KMT2E: variants seen among roughly 807,000 people sequenced by gnomAD.
The protein encoded by KMT2E is histone reader KMT2E.
KMT2E carries 30 observed loss-of-function variants against 184.6 expected under a neutral mutation model. The ratio of observed to expected loss-of-function variants is 0.16; its 90% CI spans 0.12 to 0.22. KMT2E has a LOEUF of 0.22. KMT2E is among the 10% of genes least tolerant of loss of function. The pLI is 1.00. For missense variants in KMT2E, 2,023 were observed against 2,237.4 expected, an observed-to-expected ratio of 0.90 and a Z score of 1.93; for synonymous variants, 815 against 776.5, an observed-to-expected ratio of 1.05 and a Z score of -0.82.
chr7:105,014,484 T>G lies in KMT2E; in HGVS notation c.-240T>G, dbSNP rs1330465261. 6.6e-6 allele frequency: 1 copy of G among 152,382 alleles called. No individual in the cohort carries two copies. Among genetic ancestry groups the G allele is most frequent in the Admixed American group, 6.6e-5 (1 of 15,222 alleles). The allele number at this position is 152,382 out of a possible 1,614,324, so 9.4% of individuals were successfully genotyped here. On this transcript the variant is annotated 5_prime_UTR_variant, in exon 1 of 27. Coordinates refer to ENST00000311117, the MANE Select transcript of KMT2E (RefSeq NM_182931.3). ...TTCGCGGAGGTGCGGAGAGACTCCT[T>G]GGGGGTCGAGCACATAACGGGGTTC... is the stretch of plus-strand genomic sequence containing the variant.
chr7:105,036,140 C>G (rs1461632860), intron 1 of KMT2E, among the ~76,000 whole-genome samples: 2 of 149,724 alleles, frequency 1.3e-5, no homozygotes, highest in Non-Finnish European at 3.0e-5. Context: ...TATCATCTGG[C>G]AGGGTTTTTT....
intron 1 of KMT2E, among the ~76,000 whole-genome samples, chr7:105,029,383 T>C (rs1285635435): frequency 6.6e-6 from 1 of 152,234 alleles, no homozygotes; most frequent in African/African-American, 2.4e-5. Context: ...TCAATAAATA[T>C]GTTAAATGAA....
At chr7:105,033,655 C>G (rs1385693306) in intron 1 of KMT2E, among the ~76,000 whole-genome samples, 1 of 152,060 alleles carries the variant, frequency 6.6e-6, no homozygotes, top group Non-Finnish European at 1.5e-5. Flanking sequence ...CCCGCCACCA[C>G]GCCTGGCTAA....
chr7:105,041,127 C>G (rs1211165522), intron 3 of KMT2E, 104 bp downstream of exon 3: 1 of 629,120 alleles, frequency 1.6e-6, no homozygotes, highest in African/African-American at 1.9e-5. Flanking sequence ...TTCTTCTTTC[C>G]TAGCCATTTT....
chr7:105,023,285 C>T (rs1000777342), intron 1 of KMT2E, among the ~76,000 whole-genome samples: 2 of 150,954 alleles, frequency 1.3e-5, no homozygotes, highest in African/African-American at 2.4e-5. Context: ...CCCTGTAATC[C>T]CAGCTACTTG....
At position 105,101,290 on chromosome 7, in the gene KMT2E, A is replaced by G. The variant is rs935092692; in HGVS notation, c.1723-135A>G. ...ATGAACAGAAATGTTTTTTCTCCCC[A>G]TATCCACCAATAATAGAAGTAGTTT... On this transcript the variant is annotated intron_variant, in intron 15 of 26. Transcript: ENST00000311117. 19 of 545,692 alleles carry G rather than the reference A, an allele frequency of 3.5e-5. No homozygotes were observed. In the African/African-American group the frequency reaches 3.5e-4, roughly 10 times the overall value. 33.8% of individuals were successfully genotyped at this position (545,692 alleles called of 1,614,324 possible).
At position 105,094,017 on chromosome 7, in the gene KMT2E, A is replaced by G. The variant is rs56851478; in HGVS notation, c.1722+2703A>G. ...CTGACCCATAGCTCTCCAAGTTATC[A>G]CAATTGTTACTTCTAATTAGTTCAT... On this transcript the variant is annotated intron_variant, in intron 15 of 26. Transcript: ENST00000311117. Among the ~76,000 whole-genome samples the G allele has an allele frequency of 3.7e-3, 558 of 152,282 alleles. 15 individuals are homozygous for G. In the East Asian group the frequency reaches 0.062, roughly 17 times the overall value.
rs953252278 is a variant in KMT2E, at chr7:105,014,251, A to C, written c.-473A>C. On this transcript the variant is annotated 5_prime_UTR_variant, in exon 1 of 27. Transcript: ENST00000311117. ...GAGCGGGCGCAGGGGGCCGAGTCGGAGACCGTGCCGGAGTTCGGGAGCGGC... is the reference window on the plus strand; with the variant it reads ...GAGCGGGCGCAGGGGGCCGAGTCGGCGACCGTGCCGGAGTTCGGGAGCGGC... 1 of 179,368 alleles carries C rather than the reference A, an allele frequency of 5.6e-6. No homozygotes were observed. Among genetic ancestry groups the C allele is most frequent in the Admixed American group, 6.4e-5 (1 of 15,566 alleles). The allele number at this position is 179,368 out of a possible 1,614,324, so 11.1% of individuals were successfully genotyped here.
At chr7:105,095,425 A>G (rs1378586157) in intron 15 of KMT2E, among the ~76,000 whole-genome samples, 1 of 152,122 alleles carries the variant, frequency 6.6e-6, no homozygotes. Context: ...TTGGGATTAT[A>G]GGCTGTTTTT....
chr7:105,040,498 A>G (rs569593589), intron 2 of KMT2E, among the ~76,000 whole-genome samples: 1 of 152,304 alleles, frequency 6.6e-6, no homozygotes, highest in East Asian at 1.9e-4. Flanking sequence ...TTGGTAGTAT[A>G]TTGTTAGATC....
chr7:105,076,734 T>C (rs1434493588), intron 9 of KMT2E, among the ~76,000 whole-genome samples: 2 of 152,284 alleles, frequency 1.3e-5, no homozygotes, highest in East Asian at 3.9e-4. Flanking sequence ...AATTGTCACA[T>C]TAAATAGGAT....
intron 15 of KMT2E, among the ~76,000 whole-genome samples, chr7:105,093,407 C>T (rs1475839382): frequency 3.9e-5 from 6 of 152,050 alleles, no homozygotes; most frequent in African/African-American, 4.8e-5. Context: ...ATTTGCTGGG[C>T]GCGGTGGCTC....
chr7:105,087,551 G>A (rs1305918452), intron 13 of KMT2E, among the ~76,000 whole-genome samples: 3 of 151,436 alleles, frequency 2.0e-5, no homozygotes, highest in African/African-American at 2.4e-5. Flanking sequence ...AGCCTCCTGA[G>A]TAGCTGGGAC....
chr7:105,088,770 A>C (rs1798086965), intron 13 of KMT2E, among the ~76,000 whole-genome samples: 1 of 152,210 alleles, frequency 6.6e-6, no homozygotes, highest in Non-Finnish European at 1.5e-5. Flanking sequence ...GTGAGTTTTA[A>C]TCTCACTTGT....
At chr7:105,034,694 C>CA (rs1297036197) in intron 1 of KMT2E, among the ~76,000 whole-genome samples, 1 of 151,870 alleles carries the variant, frequency 6.6e-6, no homozygotes, top group Non-Finnish European at 1.5e-5. Context: ...ATTTTATCAC[C>CA]ACAAGGATCC....
rs1485803696 is a variant in KMT2E, at chr7:105,105,433, C to T, written c.2197-6C>T. The T allele has an allele frequency of 1.8e-5, 28 of 1,563,688 alleles. No homozygotes were observed. The highest frequency in any genetic ancestry group is 1.3e-4 in the Admixed American group (6 of 47,446). On this transcript the variant is annotated splice_polypyrimidine_tract_variant and splice_region_variant and intron_variant, in intron 17 of 26. Transcript: ENST00000311117. ...TATAATGATCCAATTTTTTTCTTTT[C>T]TCTAGCACTTGGTTAATGAATGGTT...
intron 22 of KMT2E, 196 bp from the exon 23 acceptor site, chr7:105,108,746 A>T (rs1038771667): frequency 1.6e-5 from 9 of 562,778 alleles, no homozygotes; most frequent in Admixed American, 3.1e-5. Flanking sequence ...AAATGAGATA[A>T]TGTATGTAAA....
At chr7:105,034,428 C>T (rs1046956519) in intron 1 of KMT2E, among the ~76,000 whole-genome samples, 4 of 152,050 alleles carry the variant, frequency 2.6e-5, no homozygotes, top group Non-Finnish European at 4.4e-5. Context: ...GTTTGGGTCA[C>T]ACTCTGTAGC....
intron 14 of KMT2E, 28 bp from the exon 15 acceptor site, chr7:105,091,188 G>A (rs1176069685): frequency 9.8e-7 from 1 of 1,024,374 alleles, no homozygotes; most frequent in South Asian, 1.3e-5. Context: ...ATAATAGTTT[G>A]TATAAAGAAG....
Sources: gnomAD v4.1 joint callset for allele counts (sites outside exome capture counted in the v4.1 genomes callset) on GRCh38, gnomAD v4.1.1 for gene constraint, MANE v1.5 for transcripts, NCBI Gene and HGNC (gene_info 2026-07-23, HGNC 2026-07-21) for gene names.